The following EPAS1 variants were observed in gnomAD, a reference collection of about 807,000 sequenced individuals.
EPAS1 encodes the protein endothelial PAS domain-containing protein 1.
Under a neutral mutation model 87.9 loss-of-function variants are expected in EPAS1, and 23 were observed. The ratio of observed to expected loss-of-function variants is 0.26; its 90% CI spans 0.19 to 0.37. The LOEUF (loss-of-function observed/expected upper bound fraction) is 0.37, where lower values mean the gene tolerates loss of function less well. Ranked by LOEUF, EPAS1 falls within the 10% of genes least tolerant of loss-of-function variation. EPAS1 has a pLI of 1.00. For missense variants in EPAS1, 1,138 were observed against 1,120.7 expected (o/e 1.02, Z -0.22); for synonymous variants, 508 against 444.3 (o/e 1.14, Z -1.80).
chr2:46,380,839 C>A lies in EPAS1; in HGVS notation c.2045+122C>A, dbSNP rs1558612423. 1 of 1,532,026 alleles carries A rather than the reference C, an allele frequency of 6.5e-7. No individual in the cohort carries two copies. Among genetic ancestry groups the A allele is most frequent in the Admixed American group, 1.7e-5 (1 of 58,076 alleles). The allele number at this position is 1,532,026 out of a possible 1,614,324, so 94.9% of individuals were successfully genotyped here. On this transcript the variant is annotated intron_variant, in intron 12 of 15. Transcript: ENST00000263734. The surrounding 1 kb of genome is among the most constrained non-coding windows in gnomAD (Gnocchi z 4.4). ...CCAGCCATCTGATACCCCATTTAGC[C>A]CTTCTCTGAGCTCAGACTTTGGGGA... is the stretch of plus-strand genomic sequence containing the variant.
At chr2:46,326,313 T>G (rs182659852) in intron 1 of EPAS1, among the ~76,000 whole-genome samples, 2 of 152,286 alleles carry the variant, frequency 1.3e-5, no homozygotes, top group East Asian at 3.9e-4. Context: ...TATCAAGATT[T>G]CCTGGAGTGG....
intron 1 of EPAS1, among the ~76,000 whole-genome samples, chr2:46,321,714 G>A (rs2104849861): frequency 6.8e-6 from 1 of 146,388 alleles, no homozygotes; most frequent in East Asian, 2.0e-4. Flanking sequence ...ACAACAGCCT[G>A]TGTGGGAATG....
rs1685018552 is a variant in EPAS1 at position 46,386,125 on chromosome 2, T to C, written c.*1465T>C. ...GAGGTCTCTGGGTCGGTCAGTGACA[T>C]GTAGGTAGGAAGCACTGAAAATAGT... On this transcript the variant is annotated 3_prime_UTR_variant, in exon 16 of 16. Transcript: ENST00000263734. 6.6e-6 allele frequency: 1 copy of C among 152,588 alleles called. No individual in the cohort carries two copies. Among genetic ancestry groups the C allele is most frequent in the Admixed American group, 6.5e-5 (1 of 15,270 alleles). The allele number at this position is 152,588 out of a possible 1,614,324, so 9.5% of individuals were successfully genotyped here. A position where few individuals can be genotyped will look rare whatever the true frequency, so the allele number is the denominator to read the frequency against.
At chr2:46,353,066 T>C (rs954673822) in intron 2 of EPAS1, among the ~76,000 whole-genome samples, 2 of 152,144 alleles carry the variant, frequency 1.3e-5, no homozygotes, top group Non-Finnish European at 2.9e-5. Context: ...ACCACTGAGA[T>C]CAAAGAAATT....
chr2:46,356,127 T>TGGGGGGGGGGGGC, intron 2 of EPAS1, 24 bp from the exon 3 acceptor site: 3 of 1,395,470 alleles, frequency 2.1e-6, no homozygotes, highest in Non-Finnish European at 3.0e-6. Context: ...TCATGCAAGC[T>TGGGGGGGGGGGGC]GTCCCACCCC....
In EPAS1 at chr2:46,356,203, G is replaced by A. The variant is rs764409405; in HGVS notation, c.270G>A (p.Leu90=). 1.2e-6 allele frequency: 2 copies of A among 1,601,272 alleles called. No individual in the cohort carries two copies. Among genetic ancestry groups the A allele is most frequent in the South Asian group, 1.1e-5 (1 of 90,706 alleles). The change falls in exon 3 of 16, where the codon TTG becomes TTA. Residue 90 remains leucine (L), a synonymous_variant. Transcript: ENST00000263734. ...AAGCTGACCAGCAGATGGACAACTT[G>A]TACCTGAAAGCCTTGGAGGGTTTCA... The part of the protein sequence containing the change: ...EAEADQQMDN[L]YLKALEGFIA...
chr2:46,377,520 G>T (rs1016123797), intron 9 of EPAS1, among the ~76,000 whole-genome samples: 2 of 152,240 alleles, frequency 1.3e-5, no homozygotes, highest in African/African-American at 4.8e-5. Context: ...CCCTTGGCCA[G>T]TAGGTCTCGC....
intron 11 of EPAS1, among the ~76,000 whole-genome samples, chr2:46,379,138 C>A (rs1021171840): frequency 1.3e-5 from 2 of 152,208 alleles, no homozygotes; most frequent in Non-Finnish European, 2.9e-5. Flanking sequence ...ACACATTCAT[C>A]TTGTGATTTT....
intron 4 of EPAS1, among the ~76,000 whole-genome samples, chr2:46,359,274 A>AAAAAAAAAAAAAAAAAAAAAAAAAC (rs1684337401): frequency 2.0e-5 from 3 of 148,662 alleles, no homozygotes; most frequent in Non-Finnish European, 3.0e-5. Flanking sequence ...AAAAAAAAAA[A>AAAAAAAAAAAAAAAAAAAAAAAAAC]AAAAAAAGAT....
intron 2 of EPAS1, among the ~76,000 whole-genome samples, chr2:46,350,550 G>T (rs1684127233): frequency 6.6e-6 from 1 of 152,186 alleles, no homozygotes; most frequent in East Asian, 1.9e-4. Flanking sequence ...GATATTAGCT[G>T]CCACGCTGGG....
rs1040585719 is a variant in EPAS1, at chr2:46,298,052, G to A, written c.26+115G>A. 6 of 1,348,780 alleles carry A rather than the reference G, an allele frequency of 4.4e-6. No homozygotes were observed. The Admixed American group carries it at 7.9e-5, about 18-fold the overall frequency. The allele number at this position is 1,348,780 out of a possible 1,614,324, so 83.6% of individuals were successfully genotyped here. ...GAGTGCTGAGAGGTCTTCGGAGCTC[G>A]AGGCTCGGTTTGGAGGGCTGTGAGG... On this transcript the variant is annotated intron_variant, in intron 1 of 15. Transcript: ENST00000263734.
intron 2 of EPAS1, among the ~76,000 whole-genome samples, chr2:46,350,355 T>C (rs1684123588): frequency 6.6e-6 from 1 of 152,184 alleles, no homozygotes. Flanking sequence ...GGCTAAAAAA[T>C]ACCAGGTTTT....
Position 46,378,018 on chromosome 2 carries a change from C to A in EPAS1, c.1374C>A (p.Thr458=), listed in dbSNP as rs546254328. The stretch of plus-strand genomic sequence containing the variant: ...AGGCTGGGAGCCTGCCTGCCTTCAC[C>A]GTGCCCCAGGCAGCTGCCCCGGGCA... ...QSEAGSLPAF[T]VPQAAAPGST... is the part of the protein sequence containing the mutation. The change falls in exon 10 of 16, where the codon ACC becomes ACA. Residue 458 remains threonine (T), a synonymous_variant. Transcript: ENST00000263734. 2 of 1,601,872 alleles carry A rather than the reference C, an allele frequency of 1.2e-6. No homozygotes were observed. The highest frequency in any genetic ancestry group is 4.5e-5 in the East Asian group (2 of 44,284).
chr2:46,344,330 A>T (rs184783163), intron 1 of EPAS1, among the ~76,000 whole-genome samples: 2 of 152,318 alleles, frequency 1.3e-5, no homozygotes, highest in African/African-American at 4.8e-5. Context: ...GTGCATGCAG[A>T]TATTGGCGTT....
At chr2:46,314,343 A>G (rs548575326) in intron 1 of EPAS1, among the ~76,000 whole-genome samples, 1 of 152,280 alleles carries the variant, frequency 6.6e-6, no homozygotes, top group Non-Finnish European at 1.5e-5. Flanking sequence ...CACTCTCTAC[A>G]TGGCTGGCTC....
At position 46,385,568 on chromosome 2, in the gene EPAS1, G is replaced by A. The variant is rs546157125; in HGVS notation, c.*908G>A. ...CTCCCACGGCCTGTACGGACACTGT[G>A]GAAGGCCTCCCTCTGTCGGCTTTTT... On this transcript the variant is annotated 3_prime_UTR_variant, in exon 16 of 16. Transcript: ENST00000263734. 7 of 152,354 alleles carry A rather than the reference G, an allele frequency of 4.6e-5. No homozygotes were observed. The South Asian group carries it at 1.2e-3, about 27-fold the overall frequency. 9.4% of individuals were successfully genotyped at this position (152,354 alleles called of 1,614,324 possible). A position where few individuals can be genotyped will look rare whatever the true frequency, so the allele number is the denominator to read the frequency against.
rs1406418583 is a variant in EPAS1, at chr2:46,300,578, G to T, written c.26+2641G>T. Among the ~76,000 whole-genome samples, 1 of 152,210 alleles carries T rather than the reference G, an allele frequency of 6.6e-6. No individual in the cohort carries two copies. The highest frequency in any genetic ancestry group is 1.5e-5 in the Non-Finnish European group (1 of 68,026). ...TCACAGATGTCAGAAACTGAAGCCT[G>T]GTGGGTGGGGGTACTGCACTTTCAC... On this transcript the variant is annotated intron_variant, in intron 1 of 15. Coordinates refer to ENST00000263734, the MANE Select transcript of EPAS1 (RefSeq NM_001430.5). This position sits in a 1 kb window ranked among gnomAD's most constrained non-coding sequence, Gnocchi z 4.1.
chr2:46,343,033 C>T (rs1183011757), intron 1 of EPAS1, among the ~76,000 whole-genome samples: 1 of 151,946 alleles, frequency 6.6e-6, no homozygotes, highest in Non-Finnish European at 1.5e-5. Flanking sequence ...AAAGAAACAC[C>T]TTTTTCTCCA....
At chr2:46,324,155 C>T (rs1683508441) in intron 1 of EPAS1, among the ~76,000 whole-genome samples, 1 of 152,238 alleles carries the variant, frequency 6.6e-6, no homozygotes, top group Admixed American at 6.5e-5. Flanking sequence ...CAAGCTCCGC[C>T]TTCTGGGTTC....
Sources: gnomAD v4.1 joint callset for allele counts (sites outside exome capture counted in the v4.1 genomes callset) on GRCh38, gnomAD v4.1.1 for gene constraint, Gnocchi (gnomAD v3.1) non-coding constraint, MANE v1.5 for transcripts, NCBI Gene and HGNC (gene_info 2026-07-23, HGNC 2026-07-21) for gene names.